SFMBT2: variants seen among roughly 807,000 people sequenced by gnomAD.
SFMBT2 encodes the protein scm-like with four MBT domains protein 2.
Under a neutral mutation model 110.1 loss-of-function variants are expected in SFMBT2, and 38 were observed. The ratio of observed to expected loss-of-function variants is 0.35; its 90% CI spans 0.27 to 0.45. The LOEUF (loss-of-function observed/expected upper bound fraction) is 0.45. Ranked by LOEUF, SFMBT2 falls within the 20% of genes least tolerant of loss-of-function variation. The pLI is 1.00. For missense variants in SFMBT2, 1,011 were observed against 1,094.9 expected (o/e 0.92, Z 1.08); for synonymous variants, 425 against 425.4 (o/e 1.00, Z 0.01).
At chr10:7,254,834 A>G (rs1840942518) in intron 7 of SFMBT2, among the ~76,000 whole-genome samples, 1 of 152,146 alleles carries the variant, frequency 6.6e-6, no homozygotes, top group Admixed American at 6.6e-5. Flanking sequence ...CTAAAAAAAA[A>G]GATTCTGGGA....
intron 7 of SFMBT2, among the ~76,000 whole-genome samples, chr10:7,263,094 T>A (rs546053140): frequency 6.6e-6 from 1 of 152,182 alleles, no homozygotes; most frequent in Non-Finnish European, 1.5e-5. Context: ...GCCCAGACAC[T>A]GGGGATGCCT....
intron 4 of SFMBT2, among the ~76,000 whole-genome samples, chr10:7,334,971 G>A (rs1843672617): frequency 6.6e-6 from 1 of 152,200 alleles, no homozygotes; most frequent in Non-Finnish European, 1.5e-5. Flanking sequence ...AGCTAGGGAG[G>A]AATTGAGGCG....
rs1367100000 is a variant in SFMBT2, at chr10:7,229,711, A to G, written c.1121-1774T>C. 2.1e-5 allele frequency among the ~76,000 whole-genome samples: 3 copies of G among 141,016 alleles called. No individual in the cohort carries two copies. In the East Asian group the frequency reaches 5.9e-4, roughly 28 times the overall value. 92.5% of individuals were successfully genotyped at this position (141,016 alleles called of 152,430 possible). On this transcript the variant is annotated intron_variant, in intron 9 of 20. Transcript: ENST00000397167. Reference sequence around the variant, plus strand: ...TCAATAAGCAATCTCAATATATCCTATTTTTTGTTGTTGTTGTTTTTTTTT... The same window carrying G: ...TCAATAAGCAATCTCAATATATCCTGTTTTTTGTTGTTGTTGTTTTTTTTT...
intron 12 of SFMBT2, chr10:7,203,717 C>CTT: frequency 2.1e-6 from 2 of 963,074 alleles, no homozygotes; most frequent in Non-Finnish European, 2.5e-6. Flanking sequence ...GAATCTGCAG[C>CTT]TTTTTTTTTG....
intron 4 of SFMBT2, among the ~76,000 whole-genome samples, chr10:7,290,882 A>T (rs937439293): frequency 6.6e-6 from 1 of 152,210 alleles, no homozygotes. Context: ...TGAGTCCCAT[A>T]TAAAGGCAGA....
rs141908975 is a variant in SFMBT2, at chr10:7,245,453, G to A, written c.973-1748C>T. 3.1e-4 allele frequency among the ~76,000 whole-genome samples: 47 copies of A among 152,292 alleles called. No individual in the cohort carries two copies. The East Asian group carries it at 7.9e-3, about 26-fold the overall frequency. Reference sequence around the variant, plus strand: ...CACAACCGTTAAAATGCATGTTCACGTGGGAACACTCCAAAGGAAAAGCTT... The same window carrying A: ...CACAACCGTTAAAATGCATGTTCACATGGGAACACTCCAAAGGAAAAGCTT... On this transcript the variant is annotated intron_variant, in intron 8 of 20. Transcript: ENST00000397167.
intron 1 of SFMBT2, among the ~76,000 whole-genome samples, chr10:7,388,367 A>T (rs1433138700): frequency 6.6e-6 from 1 of 150,912 alleles, no homozygotes; most frequent in Non-Finnish European, 1.5e-5. Flanking sequence ...GATGATGATG[A>T]TGATTGAGAT....
chr10:7,371,750 AT>A (rs1013920880), intron 2 of SFMBT2, among the ~76,000 whole-genome samples: 1 of 152,080 alleles, frequency 6.6e-6, no homozygotes, highest in African/African-American at 2.4e-5. Context: ...TGCTCAACCC[AT>A]TTATCTTCTA....
chr10:7,329,407 C>T (rs1439317144), intron 4 of SFMBT2: 2 of 980,370 alleles, frequency 2.0e-6, no homozygotes, highest in African/African-American at 3.5e-5. Context: ...CAGCGCAGCA[C>T]AGCACGGGTG....
chr10:7,404,445 A>T (rs1380750219), intron 1 of SFMBT2, among the ~76,000 whole-genome samples: 2 of 152,342 alleles, frequency 1.3e-5, no homozygotes, highest in Non-Finnish European at 2.9e-5. Context: ...TTGGCCAATA[A>T]AACTACAGGG....
chr10:7,259,438 A>G (rs1036835059), intron 7 of SFMBT2, among the ~76,000 whole-genome samples: 1 of 152,152 alleles, frequency 6.6e-6, no homozygotes, highest in Non-Finnish European at 1.5e-5. Flanking sequence ...CAGCCTCAAC[A>G]CTATTGGCCT....
At chr10:7,294,647 T>C (rs141128283) in intron 4 of SFMBT2, among the ~76,000 whole-genome samples, 4 of 152,274 alleles carry the variant, frequency 2.6e-5, no homozygotes, top group African/African-American at 9.6e-5. Context: ...ATTCTGATGG[T>C]TAATTTTTGT....
chr10:7,172,575 G>T lies in SFMBT2; in HGVS notation c.2071C>A (p.Arg691=), dbSNP rs780440731. The part of the protein sequence containing the change: ...PDSGHPKPAR[R]RKRRKSIFVQ... ...AAAATGGATTTCCGTCGCTTCCTCC[G>T]CCTGGCGGGTTTGGGGTGTCCGCTG... The change falls in exon 18 of 21, where the codon CGG becomes AGG. Residue 691 remains arginine, a synonymous_variant. Transcript: ENST00000397167. The surrounding 1 kb of genome is among the most constrained non-coding windows in gnomAD (Gnocchi z 4.6). 2.5e-6 allele frequency: 4 copies of T among 1,614,220 alleles called. No homozygotes were observed. Among genetic ancestry groups the T allele is most frequent in the Non-Finnish European group, 3.4e-6 (4 of 1,180,040 alleles).
intron 1 of SFMBT2, among the ~76,000 whole-genome samples, chr10:7,386,370 A>C (rs1845605918): frequency 1.3e-5 from 2 of 152,268 alleles, no homozygotes; most frequent in South Asian, 2.1e-4. Context: ...GAGCTTTGGG[A>C]GGCCAAGGTG....
At chr10:7,363,871 G>A (rs968781100) in intron 4 of SFMBT2, among the ~76,000 whole-genome samples, 9 of 151,956 alleles carry the variant, frequency 5.9e-5, no homozygotes, top group African/African-American at 1.5e-4. Flanking sequence ...GAAAATCTCC[G>A]TCTCACCAAG....
intron 7 of SFMBT2, among the ~76,000 whole-genome samples, chr10:7,271,287 C>A (rs1391055498): frequency 1.2e-5 from 1 of 81,370 alleles, no homozygotes; most frequent in Non-Finnish European, 2.6e-5. Flanking sequence ...GGCAAGATTG[C>A]CTCCAAAAAA....
intron 20 of SFMBT2, 175 bp from the exon 21 acceptor site, chr10:7,164,085 T>G: frequency 5.1e-6 from 5 of 985,380 alleles, no homozygotes; most frequent in Non-Finnish European, 6.0e-6. Context: ...CTAATCTTTG[T>G]GTTACTAAAA....
chr10:7,294,803 C>T (rs1382671957), intron 4 of SFMBT2, among the ~76,000 whole-genome samples: 1 of 152,184 alleles, frequency 6.6e-6, no homozygotes, highest in Non-Finnish European at 1.5e-5. Flanking sequence ...AATCAGACTT[C>T]TTAAATTTTC....
At chr10:7,234,739 A>G (rs1056356366) in intron 9 of SFMBT2, among the ~76,000 whole-genome samples, 2 of 152,220 alleles carry the variant, frequency 1.3e-5, no homozygotes, top group African/African-American at 4.8e-5. Flanking sequence ...TTGAAAAATT[A>G]CATAGCCCAA....
Sources: gnomAD v4.1 joint callset for allele counts (sites outside exome capture counted in the v4.1 genomes callset) on GRCh38, gnomAD v4.1.1 for gene constraint, Gnocchi (gnomAD v3.1) non-coding constraint, MANE v1.5 for transcripts, NCBI Gene and HGNC (gene_info 2026-07-23, HGNC 2026-07-21) for gene names.